Variants in CRTAP observed in about 807,000 individuals in gnomAD.
The protein encoded by CRTAP is cartilage associated protein.
CRTAP carries 33 observed loss-of-function variants against 42.7 expected under a neutral mutation model. The observed-to-expected ratio is 0.77, with a 90% CI of 0.59 to 1.03. The LOEUF is 1.03. Among genes scored for constraint, CRTAP ranks in the 50% least tolerant of loss-of-function variants. CRTAP has a pLI of 0.00. For synonymous variants in CRTAP, 243 were observed against 217.7 expected (o/e 1.12, Z -1.02); for missense variants, 613 against 533.9 (o/e 1.15, Z -1.46).
At chr3:33,124,665 C>T in intron 3 of CRTAP, 86 bp downstream of exon 3, 1 of 1,503,380 alleles carries the variant, frequency 6.7e-7, no homozygotes. Context: ...TGCTAGATGC[C>T]TGGAGCAGCC....
At position 33,146,043 on chromosome 3, in the gene CRTAP, A is replaced by G. The variant is rs1255066016; in HGVS notation, c.*3595A>G. ...AACCAAACCTTAAAAAAAAAAAACAAAAACTGGGCTGGGTCTTCCAAACCT... is the reference window on the plus strand; with the variant it reads ...AACCAAACCTTAAAAAAAAAAAACAGAAACTGGGCTGGGTCTTCCAAACCT... On this transcript the variant is annotated 3_prime_UTR_variant, in exon 7 of 7. Coordinates refer to ENST00000320954, the MANE Select transcript of CRTAP (RefSeq NM_006371.5). The G allele has an allele frequency of 2.6e-5, 4 of 151,784 alleles. No homozygotes were observed. Among genetic ancestry groups the G allele is most frequent in the Admixed American group, 6.6e-5 (1 of 15,260 alleles). 9.4% of individuals were successfully genotyped at this position (151,784 alleles called of 1,614,324 possible).
intron 1 of CRTAP, 38 bp from the exon 2 acceptor site, chr3:33,120,306 C>T (rs753863673): frequency 1.3e-6 from 2 of 1,564,732 alleles, no homozygotes; most frequent in South Asian, 2.2e-5. Flanking sequence ...TACCACTTAG[C>T]ATCCATGGAG....
Position 33,132,662 on chromosome 3 carries a change from A to G in CRTAP, c.1030A>G (p.Thr344Ala), listed in dbSNP as rs1575518722. Residue 344 changes from threonine to alanine, a missense_variant, in exon 5 of 7, where the codon ACT (threonine) becomes GCT (alanine). By Grantham distance (58) the Thr-to-Ala change is moderately conservative. Coordinates refer to ENST00000320954, the MANE Select transcript of CRTAP (RefSeq NM_006371.5). The part of the protein sequence containing the change: ...NLVYYQYHRD[T>A]WGLSDEHFQP... ...GGTGTATTACCAGTACCACAGGGACACTTGGGGCCTCTCGGATGAGCACTT... is the reference window on the plus strand; with the variant it reads ...GGTGTATTACCAGTACCACAGGGACGCTTGGGGCCTCTCGGATGAGCACTT... The G allele has an allele frequency of 1.2e-6, 2 of 1,614,138 alleles. No homozygotes were observed. Among genetic ancestry groups the G allele is most frequent in the African/African-American group, 1.3e-5 (1 of 75,048 alleles).
At chr3:33,137,417 A>G (rs543736210) in intron 6 of CRTAP, among the ~76,000 whole-genome samples, 1 of 152,368 alleles carries the variant, frequency 6.6e-6, no homozygotes, top group East Asian at 1.9e-4. Context: ...CTGGGATTAC[A>G]GGCGTGAGCT....
intron 6 of CRTAP, 40 bp from the exon 7 acceptor site, chr3:33,142,354 CA>C (rs774724323): frequency 4.5e-6 from 7 of 1,554,578 alleles, no homozygotes; most frequent in Non-Finnish European, 5.3e-6. Flanking sequence ...TTTAAAAGTC[CA>C]ATAGCCCATT....
At chr3:33,120,294 A>C in intron 1 of CRTAP, 50 bp from the exon 2 acceptor site, 1 of 1,521,138 alleles carries the variant, frequency 6.6e-7, no homozygotes, top group Non-Finnish European at 9.1e-7. Context: ...TTTTACAAAA[A>C]TTACCACTTA....
chr3:33,119,564 A>T (rs1171618505), intron 1 of CRTAP, among the ~76,000 whole-genome samples: 1 of 152,058 alleles, frequency 6.6e-6, no homozygotes, highest in Non-Finnish European at 1.5e-5. Context: ...TTGTAATATG[A>T]CGTTTATTGC....
chr3:33,145,319 C>T lies in CRTAP; in HGVS notation c.*2871C>T, dbSNP rs573980279. 63 of 152,510 alleles carry T rather than the reference C, an allele frequency of 4.1e-4. No individual in the cohort carries two copies. The highest frequency in any genetic ancestry group is 1.5e-3 in the African/African-American group (61 of 41,570). 9.4% of individuals were successfully genotyped at this position (152,510 alleles called of 1,614,324 possible). On this transcript the variant is annotated 3_prime_UTR_variant, in exon 7 of 7. Coordinates refer to ENST00000320954, the MANE Select transcript of CRTAP (RefSeq NM_006371.5). The surrounding 1 kb of genome is among the most constrained non-coding windows in gnomAD (Gnocchi z 4.3). ...TGCCCACGTCCACAAAATCTGTACT[C>T]CCAGCGGGGGTGTTTGGCCCGAGGA...
chr3:33,115,751 A>G, intron 1 of CRTAP, among the ~76,000 whole-genome samples: 1 of 150,794 alleles, frequency 6.6e-6, no homozygotes, highest in East Asian at 1.9e-4. Context: ...GGACTGCAAG[A>G]TCTGTTTTTT....
intron 3 of CRTAP, among the ~76,000 whole-genome samples, chr3:33,125,320 T>C (rs1467105348): frequency 1.3e-5 from 2 of 152,176 alleles, no homozygotes; most frequent in Admixed American, 1.3e-4. Flanking sequence ...GGGAATGGGC[T>C]GAGCACTGAC....
intron 6 of CRTAP, among the ~76,000 whole-genome samples, chr3:33,136,547 A>G (rs1238357273): frequency 1.3e-5 from 2 of 152,174 alleles, no homozygotes; most frequent in Non-Finnish European, 2.9e-5. Context: ...GCCCAAGACT[A>G]GCCTGAGTAA....
chr3:33,119,498 AT>A (rs5847773), intron 1 of CRTAP, among the ~76,000 whole-genome samples: 1 of 151,192 alleles, frequency 6.6e-6, no homozygotes, highest in African/African-American at 2.4e-5. Context: ...GCAGGTGGGG[AT>A]TTTTTTTTCC....
chr3:33,138,099 CT>C (rs61020489), intron 6 of CRTAP, among the ~76,000 whole-genome samples: 374 of 147,256 alleles, frequency 2.5e-3, no homozygotes, highest in African/African-American at 6.5e-3. Flanking sequence ...ATTAATATAG[CT>C]TTTTTTTTTT....
intron 2 of CRTAP, 61 bp downstream of exon 2, chr3:33,120,554 C>T: frequency 6.4e-7 from 1 of 1,554,358 alleles, no homozygotes; most frequent in Non-Finnish European, 8.7e-7. Context: ...AAATGTCTCT[C>T]CATAAGCAGC....
In CRTAP at chr3:33,114,125, C is replaced by G; in HGVS notation, c.48C>G (p.Cys16Trp). 6.4e-7 allele frequency: 1 copy of G among 1,557,064 alleles called. No individual in the cohort carries two copies. The highest frequency in any genetic ancestry group is 8.6e-7 in the Non-Finnish European group (1 of 1,161,848). Residue 16 changes from cysteine to tryptophan, a missense_variant, in exon 1 of 7, where the codon TGC becomes TGG. Transcript: ENST00000320954. ...RGAAALLALLCVACALRAGRA... is the reference protein window; with the variant it reads ...RGAAALLALLWVACALRAGRA... The stretch of plus-strand genomic sequence containing the variant: ...CCGCGGCGCTGCTAGCGCTGCTGTG[C>G]GTGGCCTGCGCGCTGCGCGCCGGGC...
intron 2 of CRTAP, among the ~76,000 whole-genome samples, chr3:33,123,711 C>T (rs1223304754): frequency 6.6e-6 from 1 of 150,770 alleles, no homozygotes; most frequent in Non-Finnish European, 1.5e-5. Context: ...CTTACTGCCA[C>T]CTCCGCCTCC....
At position 33,114,565 on chromosome 3, in the gene CRTAP, C is replaced by A; in HGVS notation, c.471+17C>A. The A allele has an allele frequency of 1.3e-6, 2 of 1,560,548 alleles. No homozygotes were observed. The highest frequency in any genetic ancestry group is 2.4e-5 in the East Asian group (1 of 42,366). On this transcript the variant is annotated intron_variant, in intron 1 of 6. Transcript: ENST00000320954. ...TACTTCAAGGCAAGTCCGCCTCGCCCCGTCCCAGGCCCCGGCCCCGCCCCT... is the reference window on the plus strand; with the variant it reads ...TACTTCAAGGCAAGTCCGCCTCGCCACGTCCCAGGCCCCGGCCCCGCCCCT...
chr3:33,128,764 G>A (rs768582739), intron 3 of CRTAP, among the ~76,000 whole-genome samples: 1 of 152,186 alleles, frequency 6.6e-6, no homozygotes. Flanking sequence ...GAAAGTGCCT[G>A]TTCCTCCACA....
intron 6 of CRTAP, among the ~76,000 whole-genome samples, chr3:33,138,669 C>T (rs1432094082): frequency 2.0e-5 from 3 of 152,090 alleles, no homozygotes; most frequent in African/African-American, 7.2e-5. Flanking sequence ...ATTTTTCTTG[C>T]GTAATTGTTC....
Sources: gnomAD v4.1 joint callset for allele counts (sites outside exome capture counted in the v4.1 genomes callset) on GRCh38, gnomAD v4.1.1 for gene constraint, Gnocchi (gnomAD v3.1) non-coding constraint, MANE v1.5 for transcripts, NCBI Gene and HGNC (gene_info 2026-07-23, HGNC 2026-07-21) for gene names.